Variants in PTPRN2 observed in about 807,000 individuals in gnomAD.
The protein encoded by PTPRN2 is protein tyrosine phosphatase receptor type N2.
PTPRN2 carries 74 observed loss-of-function variants against 118.8 expected under a neutral mutation model. The ratio of observed to expected loss-of-function variants is 0.62; its 90% CI spans 0.52 to 0.76. The LOEUF is 0.76. Ranked by LOEUF, PTPRN2 falls within the 30% of genes least tolerant of loss-of-function variation. PTPRN2 has a pLI of 0.00. For synonymous variants in PTPRN2, 641 were observed against 608.0 expected, an observed-to-expected ratio of 1.05 and a Z score of -0.80; for missense variants, 1,481 against 1,394.4, an observed-to-expected ratio of 1.06 and a Z score of -0.99.
chr7:158,390,714 C>T lies in PTPRN2; in HGVS notation c.164-73782G>A, dbSNP rs551039379. On this transcript the variant is annotated intron_variant, in intron 2 of 22. Transcript: ENST00000389418. The stretch of plus-strand genomic sequence containing the variant: ...GCAGAACCACCAGCCCCTCAGCTCT[C>T]AGCGCACTTTGCGGGAGAGCTGGCC... Among the ~76,000 whole-genome samples the T allele has an allele frequency of 1.6e-4, 25 of 152,360 alleles. 1 individual carries two copies. The South Asian group carries it at 5.2e-3, about 32-fold the overall frequency.
chr7:158,499,372 G>A (rs1822189669), intron 1 of PTPRN2, among the ~76,000 whole-genome samples: 2 of 152,174 alleles, frequency 1.3e-5, no homozygotes, highest in Admixed American at 6.5e-5. Context: ...GAAATCATCC[G>A]TAAATTGAAA....
chr7:157,685,372 A>T (rs1282376302), intron 12 of PTPRN2, among the ~76,000 whole-genome samples: 1 of 151,730 alleles, frequency 6.6e-6, no homozygotes, highest in African/African-American at 2.4e-5. Flanking sequence ...GCGCGCGGTG[A>T]CCACCCTGGT....
At chr7:158,566,276 C>T (rs1291524138) in intron 1 of PTPRN2, among the ~76,000 whole-genome samples, 1 of 152,082 alleles carries the variant, frequency 6.6e-6, no homozygotes, top group East Asian at 1.9e-4. Flanking sequence ...ATTGCTTGAA[C>T]CCAGGAGGAG....
intron 2 of PTPRN2, among the ~76,000 whole-genome samples, chr7:158,331,409 C>T (rs1225243287): frequency 6.9e-6 from 1 of 145,602 alleles, no homozygotes; most frequent in African/African-American, 2.7e-5. Context: ...ACCATAAGAG[C>T]TGAGGCCCAC....
chr7:158,536,774 A>G (rs1258206736), intron 1 of PTPRN2, among the ~76,000 whole-genome samples: 2 of 151,870 alleles, frequency 1.3e-5, no homozygotes, highest in East Asian at 3.9e-4. Context: ...GACGAGACTC[A>G]GGAAGACACA....
chr7:158,474,857 G>C (rs1820129254), intron 2 of PTPRN2, among the ~76,000 whole-genome samples: 1 of 152,328 alleles, frequency 6.6e-6, no homozygotes, highest in Admixed American at 6.5e-5. Context: ...GAGAGAGGCC[G>C]GGTGATGCCA....
intron 11 of PTPRN2, among the ~76,000 whole-genome samples, chr7:157,917,456 C>G (rs1450815721): frequency 6.6e-6 from 1 of 152,194 alleles, no homozygotes; most frequent in African/African-American, 2.4e-5. Flanking sequence ...ATCTGCGGGT[C>G]TCCTGTGGAT....
chr7:158,203,598 C>T (rs536121965), intron 4 of PTPRN2, among the ~76,000 whole-genome samples: 2 of 151,818 alleles, frequency 1.3e-5, no homozygotes, highest in Non-Finnish European at 1.5e-5. Flanking sequence ...TGTTCTGCAC[C>T]CCCCCAGAGT....
chr7:157,975,401 G>C (rs895270403), intron 11 of PTPRN2, among the ~76,000 whole-genome samples: 3 of 151,990 alleles, frequency 2.0e-5, no homozygotes, highest in Non-Finnish European at 4.4e-5. Context: ...CAATCTCCTC[G>C]TCCCTGTGAT....
At chr7:158,521,875 C>G (rs144965287) in intron 1 of PTPRN2, among the ~76,000 whole-genome samples, 5 of 76,506 alleles carry the variant, frequency 6.5e-5, no homozygotes, top group Admixed American at 1.5e-4. Flanking sequence ...GTCCACGTCA[C>G]AATGGTGGAC....
rs1036838588 is a variant in PTPRN2, at chr7:158,546,541, T to A, written c.112+41017A>T. Among the ~76,000 whole-genome samples the A allele has an allele frequency of 2.0e-5, 3 of 152,006 alleles. No individual in the cohort carries two copies. Among genetic ancestry groups the A allele is most frequent in the Admixed American group, 2.0e-4 (3 of 15,274 alleles). On this transcript the variant is annotated intron_variant, in intron 1 of 22. Transcript: ENST00000389418. This position sits in a 1 kb window ranked among gnomAD's most constrained non-coding sequence, Gnocchi z 5.0. ...CCATGAAGAAGGGGCCTCCTGATAA[T>A]CCCTACCAGCAGCCAGGAAGCACCC...
intron 3 of PTPRN2, among the ~76,000 whole-genome samples, chr7:158,244,741 T>A (rs1046651576): frequency 5.4e-5 from 8 of 149,342 alleles, no homozygotes; most frequent in South Asian, 2.1e-4. Flanking sequence ...TGTGTGTGTG[T>A]GAGTTGTGTG....
intron 2 of PTPRN2, among the ~76,000 whole-genome samples, chr7:158,399,093 G>T (rs1426023643): frequency 2.0e-5 from 3 of 152,112 alleles, no homozygotes; most frequent in Non-Finnish European, 4.4e-5. Flanking sequence ...TTATGTATTT[G>T]CTTAGTGTCC....
At chr7:158,018,374 C>T (rs1806597692) in intron 11 of PTPRN2, among the ~76,000 whole-genome samples, 1 of 148,848 alleles carries the variant, frequency 6.7e-6, no homozygotes, top group South Asian at 2.2e-4. Context: ...GCGTAGCGTG[C>T]ATGCTCTGAT....
At chr7:158,075,860 G>C (rs1812316058) in intron 11 of PTPRN2, among the ~76,000 whole-genome samples, 1 of 152,232 alleles carries the variant, frequency 6.6e-6, no homozygotes, top group South Asian at 2.1e-4. Context: ...AGCCTGCGTT[G>C]ATCCTGGCAG....
chr7:157,657,434 A>G (rs1268797491), intron 13 of PTPRN2, among the ~76,000 whole-genome samples: 1 of 139,944 alleles, frequency 7.1e-6, no homozygotes, highest in Non-Finnish European at 1.5e-5. Context: ...TACGCCACAC[A>G]CACACACCAC....
chr7:158,200,674 A>G (rs1446114401), intron 4 of PTPRN2, among the ~76,000 whole-genome samples: 3 of 152,224 alleles, frequency 2.0e-5, no homozygotes, highest in African/African-American at 7.2e-5. Flanking sequence ...AAAACCTCAA[A>G]ATTACCAAAG....
intron 12 of PTPRN2, among the ~76,000 whole-genome samples, chr7:157,709,350 AT>A (rs1798484562): frequency 6.6e-6 from 1 of 152,164 alleles, no homozygotes; most frequent in South Asian, 2.1e-4. Flanking sequence ...GACAAAGACG[AT>A]TTTGACCCCT....
intron 11 of PTPRN2, among the ~76,000 whole-genome samples, chr7:157,982,535 G>T (rs13245801): frequency 7.4e-6 from 1 of 135,618 alleles, no homozygotes; most frequent in Non-Finnish European, 1.6e-5. Flanking sequence ...TAGAGACGAG[G>T]AGGGGAATGC....
Sources: allele counts gnomAD v4.1 joint callset (sites outside exome capture counted in the v4.1 genomes callset), GRCh38; gene constraint gnomAD v4.1.1; non-coding constraint Gnocchi (gnomAD v3.1); transcripts MANE v1.5; gene names NCBI Gene and HGNC (gene_info 2026-07-23, HGNC 2026-07-21).